Variants in EIF4A1 observed in about 807,000 individuals in gnomAD.
EIF4A1 encodes the protein eukaryotic translation initiation factor 4A1, also known as eukaryotic initiation factor 4A-I.
A neutral mutation model predicts 53.5 loss-of-function variants in EIF4A1; 11 were observed. The observed-to-expected ratio is 0.21, with a 90% CI of 0.13 to 0.34. The LOEUF is 0.34. EIF4A1 is among the 10% of genes least tolerant of loss of function. The probability of loss-of-function intolerance (pLI) is 1.00; values close to 1 mark genes in which losing one functional copy is unlikely to be tolerated. For missense variants in EIF4A1, 213 were observed against 530.8 expected (o/e 0.40, Z 5.88); for synonymous variants, 237 against 186.7 (o/e 1.27, Z -2.20).
intron 4 of EIF4A1, 103 bp downstream of exon 4, chr17:7,575,361 C>A: frequency 6.5e-7 from 1 of 1,529,994 alleles, no homozygotes. Flanking sequence ...GGGAGGAAGA[C>A]ATGGGTGCCC....
In EIF4A1 at chr17:7,578,151, C is replaced by G; in HGVS notation, c.997-14C>G. 1.9e-6 allele frequency: 3 copies of G among 1,614,168 alleles called. No homozygotes were observed. The highest frequency in any genetic ancestry group is 2.5e-6 in the Non-Finnish European group (3 of 1,180,024). On this transcript the variant is annotated splice_polypyrimidine_tract_variant and intron_variant, in intron 9 of 10. Coordinates refer to ENST00000293831, the MANE Select transcript of EIF4A1 (RefSeq NM_001416.4). ...CTCCGTGCACATGCTGAAGAGTTGT[C>G]TTTCTTGACGTAGGCCAGAGGCATT... is the stretch of plus-strand genomic sequence containing the variant.
chr17:7,575,305 T>A, intron 4 of EIF4A1, 47 bp downstream of exon 4: 2 of 1,611,694 alleles, frequency 1.2e-6, no homozygotes, highest in Non-Finnish European at 1.7e-6. Context: ...TTAGGGATGA[T>A]GAGTATAATC....
At chr17:7,574,170 C>A in intron 1 of EIF4A1, 90 bp from the exon 2 acceptor site, 1 of 1,472,606 alleles carries the variant, frequency 6.8e-7, no homozygotes, top group Non-Finnish European at 9.4e-7. Flanking sequence ...TTGATGGCAT[C>A]ATGCAGGCCA....
Position 7,578,652 on chromosome 17 carries a change from A to G in EIF4A1, c.*166A>G. On this transcript the variant is annotated 3_prime_UTR_variant, in exon 11 of 11. Transcript: ENST00000293831. Reference sequence around the variant, plus strand: ...AGAAGGAACCGTGAACATTTTAGACACCCTTTTCTTTGGGGTAGGCTCTTG... The same window carrying G: ...AGAAGGAACCGTGAACATTTTAGACGCCCTTTTCTTTGGGGTAGGCTCTTG... 1.4e-6 allele frequency: 1 copy of G among 698,656 alleles called. No homozygotes were observed. The highest frequency in any genetic ancestry group is 2.0e-6 in the Non-Finnish European group (1 of 500,212). 43.3% of individuals were successfully genotyped at this position (698,656 alleles called of 1,614,324 possible).
At chr17:7,578,033 T>C (rs780022269) in intron 9 of EIF4A1, 117 bp downstream of exon 9, 105 of 1,567,162 alleles carry the variant, frequency 6.7e-5, no homozygotes, top group Non-Finnish European at 8.8e-5. Flanking sequence ...CTGGCATGCC[T>C]AAGGCCTTTG....
chr17:7,574,612 A>G lies in EIF4A1; in HGVS notation c.139A>G (p.Ile47Val). ...MNLSESLLRG[I>V]YAYGFEKPSA... is the part of the protein sequence containing the mutation. ...CCTCTCGGAGTCCCTTCTCCGTGGC[A>G]TCTACGCGTATGGTTTTGAGAAGCC... Residue 47 changes from isoleucine to valine, a missense_variant, in exon 3 of 11, where the codon ATC becomes GTC. Ile to Val is a conservative substitution (Grantham distance 29). Transcript: ENST00000293831. 1.2e-6 allele frequency: 2 copies of G among 1,612,234 alleles called. No individual in the cohort carries two copies. The highest frequency in any genetic ancestry group is 1.7e-6 in the Non-Finnish European group (2 of 1,180,016).
intron 3 of EIF4A1, 196 bp from the exon 4 acceptor site, chr17:7,574,923 G>GCAATA (rs1360835227): frequency 9.9e-7 from 1 of 1,010,868 alleles, no homozygotes; most frequent in East Asian, 2.4e-5. Context: ...AGCTTGGTGT[G>GCAATA]CAATACTAGA....
rs766476536 is a variant in EIF4A1 at position 7,575,341 on chromosome 17, TCAC to T, written c.345+88_345+90del. On this transcript the variant is annotated intron_variant, in intron 4 of 10. Transcript: ENST00000293831. ...CAAGGACCAGAGAAGTCTTCTCTGA[TCAC>T]CACCTTGGGAGGAAGACATGGGTGC... is the stretch of plus-strand genomic sequence containing the variant. The T allele has an allele frequency of 2.1e-5, 34 of 1,593,782 alleles. No homozygotes were observed. In the South Asian group the frequency reaches 3.4e-4, roughly 16 times the overall value.
At position 7,577,433 on chromosome 17, in the gene EIF4A1, G is replaced by A. The variant is rs1161887828; in HGVS notation, c.714G>A (p.Lys238=). Residue 238 remains lysine, a synonymous_variant, in exon 7 of 11, where the codon AAG becomes AAA. Coordinates refer to ENST00000293831, the MANE Select transcript of EIF4A1 (RefSeq NM_001416.4). The surrounding 1 kb of genome is among the most constrained non-coding windows in gnomAD (Gnocchi z 4.7). ...ACCCCATTCGGATTCTTGTCAAGAA[G>A]GAAGAGTTGACCCTGGAGGGTATCC... ...MRDPIRILVK[K]EELTLEGIRQ... is the part of the protein sequence containing the mutation. 5 of 1,614,166 alleles carry A rather than the reference G, an allele frequency of 3.1e-6. No homozygotes were observed. Among genetic ancestry groups the A allele is most frequent in the East Asian group, 2.2e-5 (1 of 44,892 alleles).
chr17:7,576,415 A>G, intron 4 of EIF4A1, 109 bp from the exon 5 acceptor site: 1 of 1,373,714 alleles, frequency 7.3e-7, no homozygotes, highest in Non-Finnish European at 9.7e-7. Flanking sequence ...GTTTAATAAT[A>G]GTGCATGCCC....
At chr17:7,576,417 T>C (rs1364571414) in intron 4 of EIF4A1, 107 bp from the exon 5 acceptor site, 3 of 1,394,030 alleles carry the variant, frequency 2.2e-6, no homozygotes, top group Admixed American at 2.9e-5. Context: ...TTAATAATAG[T>C]GCATGCCCCA....
In EIF4A1 at chr17:7,576,596, G is replaced by C; in HGVS notation, c.418G>C (p.Val140Leu). The C allele has an allele frequency of 6.2e-7, 1 of 1,613,992 alleles. No homozygotes were observed. Among genetic ancestry groups the C allele is most frequent in the Non-Finnish European group, 8.5e-7 (1 of 1,179,976 alleles). ...SCHACIGGTN[V>L]RAEVQKLQME... ...TCACGCCTGTATCGGGGGCACCAAC[G>C]TGCGTGCTGAGGTGCAGAAACTGCA... The change falls in exon 5 of 11, where the codon GTG (valine) becomes CTG (leucine). Residue 140 changes from valine to leucine, a missense_variant. Around this residue, in one of 4 missense-constraint regions of EIF4A1, gnomAD observed 119 missense variants for 351.0 expected, o/e 0.34. Coordinates refer to ENST00000293831, the MANE Select transcript of EIF4A1 (RefSeq NM_001416.4).
chr17:7,577,311 C>T lies in EIF4A1; in HGVS notation c.625-33C>T, dbSNP rs772452235. 6.2e-7 allele frequency: 1 copy of T among 1,611,682 alleles called. No individual in the cohort carries two copies. Among genetic ancestry groups the T allele is most frequent in the African/African-American group, 1.3e-5 (1 of 74,836 alleles). On this transcript the variant is annotated intron_variant, in intron 6 of 10. Coordinates refer to ENST00000293831, the MANE Select transcript of EIF4A1 (RefSeq NM_001416.4). This position sits in a 1 kb window ranked among gnomAD's most constrained non-coding sequence, Gnocchi z 4.7. ...AAGGGAGCAGGCCTCAGGAAGGAAC[C>T]AGCACTCTAAGACTGGCCTTTTTTT...
At chr17:7,575,344 C>T in intron 4 of EIF4A1, 86 bp downstream of exon 4, 1 of 1,584,098 alleles carries the variant, frequency 6.3e-7, no homozygotes, top group Non-Finnish European at 8.6e-7. Flanking sequence ...TCTCTGATCA[C>T]CACCTTGGGA....
intron 4 of EIF4A1, 194 bp downstream of exon 4, chr17:7,575,452 G>C: frequency 1.1e-6 from 1 of 882,764 alleles, no homozygotes; most frequent in South Asian, 1.4e-5. Flanking sequence ...CCCATTTCCT[G>C]AGTCAAATGG....
chr17:7,576,544 A>T lies in EIF4A1; in HGVS notation c.366A>T (p.Ala122=). 6.2e-7 allele frequency: 1 copy of T among 1,604,438 alleles called. No individual in the cohort carries two copies. Among genetic ancestry groups the T allele is most frequent in the Non-Finnish European group, 8.5e-7 (1 of 1,174,808 alleles). ...CTCAGATACAGAAGGTGGTCATGGC[A>T]CTAGGAGACTACATGGGCGCCTCCT... The part of the protein sequence containing the change: ...LAQQIQKVVM[A]LGDYMGASCH... The change falls in exon 5 of 11, where the codon GCA becomes GCT. Residue 122 remains alanine (A), a synonymous_variant. Coordinates refer to ENST00000293831, the MANE Select transcript of EIF4A1 (RefSeq NM_001416.4).
chr17:7,574,445 T>G, intron 2 of EIF4A1, 101 bp from the exon 3 acceptor site: 1 of 1,601,530 alleles, frequency 6.2e-7, no homozygotes, highest in Non-Finnish European at 8.5e-7. Flanking sequence ...TTGTAAGCTC[T>G]GAGGCTTTTG....
Position 7,575,481 on chromosome 17 carries a change from C to T in EIF4A1, c.345+223C>T, listed in dbSNP as rs2071388163. 13 of 729,856 alleles carry T rather than the reference C, an allele frequency of 1.8e-5. No homozygotes were observed. In the Admixed American group the frequency reaches 2.8e-4, roughly 16 times the overall value. The allele number at this position is 729,856 out of a possible 1,614,324, so 45.2% of individuals were successfully genotyped here. The stretch of plus-strand genomic sequence containing the variant: ...CAAATGGGAAAGCTGTTGGGTGAAG[C>T]CTGGCTGGCTGGGCAAGTTTGACTG... On this transcript the variant is annotated intron_variant, in intron 4 of 10. Transcript: ENST00000293831.
Position 7,578,575 on chromosome 17 carries a change from T to C in EIF4A1, c.*89T>C. On this transcript the variant is annotated 3_prime_UTR_variant, in exon 11 of 11. Transcript: ENST00000293831. Reference sequence around the variant, plus strand: ...GGGGGGAGGGAAGGGAGCCAAGGGATGGACATCTTGTCATTTTTTTTCTTT... The same window carrying C: ...GGGGGGAGGGAAGGGAGCCAAGGGACGGACATCTTGTCATTTTTTTTCTTT... The C allele has an allele frequency of 5.0e-6, 7 of 1,390,870 alleles. No individual in the cohort carries two copies. The highest frequency in any genetic ancestry group is 6.6e-6 in the Non-Finnish European group (7 of 1,060,378). 86.2% of individuals were successfully genotyped at this position (1,390,870 alleles called of 1,614,324 possible).
Sources: allele counts gnomAD v4.1 joint callset, GRCh38; gene constraint gnomAD v4.1.1; regional missense constraint gnomAD v4.1.1; non-coding constraint Gnocchi (gnomAD v3.1); transcripts MANE v1.5; gene names NCBI Gene and HGNC (gene_info 2026-07-23, HGNC 2026-07-21).